The following ZFHX3 variants were observed in gnomAD, a reference collection of about 807,000 sequenced individuals.
ZFHX3 encodes zinc finger homeobox protein 3.
Under a neutral mutation model 279.1 loss-of-function variants are expected in ZFHX3, and 42 were observed. The ratio of observed to expected loss-of-function variants is 0.15; its 90% confidence interval spans 0.12 to 0.19. ZFHX3 has a LOEUF of 0.19. Among genes scored for constraint, ZFHX3 ranks in the 10% least tolerant of loss-of-function variants. The probability of loss-of-function intolerance (pLI) is 1.00; values close to 1 mark genes in which losing one functional copy is unlikely to be tolerated. For synonymous variants in ZFHX3, 2,293 were observed against 1,957.8 expected, an observed-to-expected ratio of 1.17 and a Z score of -4.52; for missense variants, 4,981 against 4,754.0, an observed-to-expected ratio of 1.05 and a Z score of -1.40.
intron 2 of ZFHX3, among the ~76,000 whole-genome samples, chr16:73,668,015 T>C (rs991759503): frequency 6.6e-6 from 1 of 152,190 alleles, no homozygotes; most frequent in African/African-American, 2.4e-5. Flanking sequence ...ATGGCTTGTG[T>C]TCTATTTATA....
chr16:73,804,914 G>GA (rs1308448442), intron 1 of ZFHX3, among the ~76,000 whole-genome samples: 1 of 119,790 alleles, frequency 8.3e-6, no homozygotes, highest in Non-Finnish European at 1.6e-5. Context: ...AGGGAGGGAG[G>GA]GGAGGGAGAG....
At chr16:73,140,654 A>G (rs776020454) in intron 6 of ZFHX3, among the ~76,000 whole-genome samples, 76 of 152,272 alleles carry the variant, frequency 5.0e-4, no homozygotes, top group Non-Finnish European at 9.7e-4. Flanking sequence ...TCAGGAGTTC[A>G]AGACCAGCCT....
intron 3 of ZFHX3, among the ~76,000 whole-genome samples, chr16:72,928,901 G>A (rs1422824148): frequency 1.3e-5 from 2 of 152,176 alleles, no homozygotes; most frequent in Admixed American, 6.5e-5. Flanking sequence ...GGTTGAGGCT[G>A]CAGTGAGCTA....
At chr16:73,728,021 C>CCCCCG (rs2053536185) in intron 1 of ZFHX3, among the ~76,000 whole-genome samples, 2 of 100,392 alleles carry the variant, frequency 2.0e-5, no homozygotes, top group Admixed American at 1.3e-4. Context: ...TTGTGCCCCC[C>CCCCCG]CCCCGCCCCC....
chr16:73,156,682 A>G (rs1030077191), intron 5 of ZFHX3, among the ~76,000 whole-genome samples: 2 of 151,866 alleles, frequency 1.3e-5, no homozygotes, highest in East Asian at 1.9e-4. Flanking sequence ...TAGTCTCCCA[A>G]GTAGCTGGGA....
chr16:73,202,295 C>A (rs763728511), intron 5 of ZFHX3, among the ~76,000 whole-genome samples: 7 of 152,140 alleles, frequency 4.6e-5, no homozygotes, highest in Non-Finnish European at 8.8e-5. Flanking sequence ...TTTGAATCAC[C>A]CATCTCTTAG....
chr16:73,420,418 C>G (rs1021125082), intron 3 of ZFHX3, among the ~76,000 whole-genome samples: 1 of 152,136 alleles, frequency 6.6e-6, no homozygotes, highest in African/African-American at 2.4e-5. Flanking sequence ...CTGGCAACGT[C>G]TTGAGACATG....
chr16:73,244,633 A>G (rs1313226446), intron 5 of ZFHX3, among the ~76,000 whole-genome samples: 1 of 152,238 alleles, frequency 6.6e-6, no homozygotes, highest in Non-Finnish European at 1.5e-5. Flanking sequence ...GCTCATGGCC[A>G]TACCAGCCCC....
chr16:72,883,882 C>T (rs2038558019), intron 4 of ZFHX3, among the ~76,000 whole-genome samples: 1 of 152,092 alleles, frequency 6.6e-6, no homozygotes, highest in African/African-American at 2.4e-5. Context: ...GTAAACAAGA[C>T]ATACAGTAAA....
Position 73,145,189 on chromosome 16 carries a change from C to T in ZFHX3, c.-1103-1358G>A, listed in dbSNP as rs117667385. ...CTTGTTTCTGTACTTCAAGCTCAAGCCTCCTGTTGGGGGAGCAGGGGTGAC... is the reference window on the plus strand; with the variant it reads ...CTTGTTTCTGTACTTCAAGCTCAAGTCTCCTGTTGGGGGAGCAGGGGTGAC... On this transcript the variant is annotated intron_variant, in intron 5 of 17. Coordinates refer to the ZFHX3 transcript ENST00000641206. 3.2e-3 allele frequency among the ~76,000 whole-genome samples: 487 copies of T among 152,274 alleles called. 2 individuals are homozygous for T. The highest frequency in any genetic ancestry group is 0.014 in the Middle Eastern group (4 of 294).
intron 2 of ZFHX3, among the ~76,000 whole-genome samples, chr16:73,653,497 T>C (rs7193808): frequency 0.88 from 133,853 of 152,152 alleles, 58,991 homozygotes; most frequent in East Asian, 0.97. Context: ...TAACTATGGC[T>C]CAACAAAGGA....
chr16:73,161,569 C>G (rs1196979444), intron 5 of ZFHX3, among the ~76,000 whole-genome samples: 1 of 152,174 alleles, frequency 6.6e-6, no homozygotes, highest in African/African-American at 2.4e-5. Flanking sequence ...TGGTTTCCAA[C>G]CTTTGCTAGC....
intron 5 of ZFHX3, among the ~76,000 whole-genome samples, chr16:72,823,360 G>C (rs1479312010): frequency 6.6e-6 from 1 of 152,186 alleles, no homozygotes; most frequent in African/African-American, 2.4e-5. Context: ...TAGAGGTATG[G>C]TGGTGGTGTT....
At position 73,220,968 on chromosome 16, in the gene ZFHX3, C is replaced by T. The variant is rs1257900773; in HGVS notation, c.-1104+36079G>A. On this transcript the variant is annotated intron_variant, in intron 5 of 17. Transcript: ENST00000641206. ...TGGTCCAGGGAATCTCTGGGCTTAT[C>T]CTATATGGGGAAAGCTGTAGAGCTG... is the stretch of plus-strand genomic sequence containing the variant. 2.6e-5 allele frequency among the ~76,000 whole-genome samples: 4 copies of T among 151,956 alleles called. No individual in the cohort carries two copies. In the South Asian group the frequency reaches 6.2e-4, roughly 24 times the overall value.
At chr16:72,881,021 A>G (rs1423821346) in intron 4 of ZFHX3, among the ~76,000 whole-genome samples, 1 of 152,242 alleles carries the variant, frequency 6.6e-6, no homozygotes. Context: ...GCTGGCGGGA[A>G]CCACACTTCT....
chr16:72,809,614 T>G (rs765111412), intron 7 of ZFHX3: 4 of 152,230 alleles, frequency 2.6e-5, no homozygotes, highest in Non-Finnish European at 5.9e-5. Flanking sequence ...TCTTGATGCA[T>G]CATCAATTAT....
At chr16:72,825,301 G>T (rs1407691299) in intron 5 of ZFHX3, among the ~76,000 whole-genome samples, 1 of 152,182 alleles carries the variant, frequency 6.6e-6, no homozygotes, top group Non-Finnish European at 1.5e-5. Flanking sequence ...GGTGGTTATC[G>T]TGTTACTATG....
chr16:72,936,941 A>C (rs1960156570), intron 3 of ZFHX3, among the ~76,000 whole-genome samples: 1 of 152,084 alleles, frequency 6.6e-6, no homozygotes, highest in Admixed American at 6.5e-5. Context: ...TGTATTTTTG[A>C]AGGAAGCACC....
chr16:73,628,223 G>A (rs1036015445), intron 2 of ZFHX3, among the ~76,000 whole-genome samples: 3 of 152,160 alleles, frequency 2.0e-5, no homozygotes, highest in Admixed American at 2.0e-4. Context: ...GAGAGGTACT[G>A]TAATCTTTTA....
Sources: allele counts gnomAD v4.1 joint callset (sites outside exome capture counted in the v4.1 genomes callset), GRCh38; gene constraint gnomAD v4.1.1; transcripts MANE v1.5; gene names NCBI Gene and HGNC (gene_info 2026-07-23, HGNC 2026-07-21).